The following CELF4 variants were observed in gnomAD, a reference collection of about 807,000 sequenced individuals.
The protein encoded by CELF4 is CUGBP Elav-like family member 4, also known as CUG-BP- and ETR-3-like factor 4.
A neutral mutation model predicts 59.9 loss-of-function variants in CELF4; 18 were observed. That is an observed-to-expected ratio of 0.30 (90% CI 0.21 to 0.45). The LOEUF is 0.45. Among genes scored for constraint, CELF4 ranks in the 20% least tolerant of loss-of-function variants. CELF4 has a pLI of 1.00. For synonymous variants in CELF4, 261 were observed against 267.1 expected (o/e 0.98, Z 0.22); for missense variants, 456 against 689.0 (o/e 0.66, Z 3.79).
chr18:37,443,966 CTG>C lies in CELF4; in HGVS notation c.369+41557_369+41558del, dbSNP rs1348044571. On this transcript the variant is annotated intron_variant, in intron 2 of 12. Transcript: ENST00000420428. The stretch of plus-strand genomic sequence containing the variant: ...AACTGAATATGGGCCTGACGTGTAT[CTG>C]TGAGATTCTCCTCACGCTCTATAAT... 7.9e-5 allele frequency among the ~76,000 whole-genome samples: 12 copies of C among 152,284 alleles called. No homozygotes were observed. In the East Asian group the frequency reaches 1.9e-3, roughly 24 times the overall value.
At chr18:37,498,206 G>A (rs920217302) in intron 1 of CELF4, among the ~76,000 whole-genome samples, 1 of 152,098 alleles carries the variant, frequency 6.6e-6, no homozygotes, top group Admixed American at 6.5e-5. Flanking sequence ...GAGCCTGTAA[G>A]AGCACCATCT....
Position 37,426,050 on chromosome 18 carries a change from C to CAGCCCT in CELF4, c.369+59469_369+59474dup, listed in dbSNP as rs1442952994. Among the ~76,000 whole-genome samples, 155 of 152,336 alleles carry CAGCCCT rather than the reference C, an allele frequency of 1.0e-3. 1 individual carries two copies. The highest frequency in any genetic ancestry group is 2.9e-3 in the African/African-American group (122 of 41,584). ...TCAGACCAGGATATAGCCCCAGCCCCAGCCCTTGCCCTGGAATCAATGTAG... is the reference window on the plus strand; with the variant it reads ...TCAGACCAGGATATAGCCCCAGCCCCAGCCCTAGCCCTTGCCCTGGAATCAATGTAG... On this transcript the variant is annotated intron_variant, in intron 2 of 12. Transcript: ENST00000420428.
At chr18:37,349,485 G>A (rs986749688) in intron 2 of CELF4, among the ~76,000 whole-genome samples, 3 of 152,226 alleles carry the variant, frequency 2.0e-5, no homozygotes, top group Non-Finnish European at 4.4e-5. Context: ...ATTAAAGCAG[G>A]ACAGATTATG....
intron 1 of CELF4, among the ~76,000 whole-genome samples, chr18:37,493,470 GCA>G (rs1339226287): frequency 2.6e-5 from 4 of 152,334 alleles, no homozygotes; most frequent in African/African-American, 9.6e-5. Flanking sequence ...AGCGTAGAAT[GCA>G]GAGATTGCTG....
intron 8 of CELF4, among the ~76,000 whole-genome samples, chr18:37,266,853 G>A (rs2077847426): frequency 6.6e-6 from 1 of 152,128 alleles, no homozygotes; most frequent in South Asian, 2.1e-4. Flanking sequence ...GCCTAGGGCT[G>A]GGGTAAGATG....
intron 2 of CELF4, among the ~76,000 whole-genome samples, chr18:37,353,233 A>AAAAAAAAT (rs71168258): frequency 1.9e-5 from 2 of 106,988 alleles, no homozygotes; most frequent in Non-Finnish European, 3.6e-5. Flanking sequence ...AAAAAAAAAA[A>AAAAAAAAT]ATATATATAT....
chr18:37,406,252 T>C (rs767620136), intron 2 of CELF4, among the ~76,000 whole-genome samples: 4 of 152,046 alleles, frequency 2.6e-5, no homozygotes, highest in Non-Finnish European at 4.4e-5. Flanking sequence ...AGAGATGGGA[T>C]GACACACCCA....
chr18:37,426,963 T>TAA (rs550664681), intron 2 of CELF4, among the ~76,000 whole-genome samples: 186 of 102,478 alleles, frequency 1.8e-3, no homozygotes, highest in African/African-American at 3.6e-3. Flanking sequence ...TTACAAGGAG[T>TAA]AAAAAAAAAA....
Position 37,517,800 on chromosome 18 carries a change from G to A in CELF4, c.287-32193C>T, listed in dbSNP as rs550150316. 8.3e-4 allele frequency among the ~76,000 whole-genome samples: 127 copies of A among 152,266 alleles called. 2 individuals carry two copies. The highest frequency in any genetic ancestry group is 2.6e-3 in the African/African-American group (109 of 41,542). On this transcript the variant is annotated intron_variant, in intron 1 of 12. Coordinates refer to ENST00000420428, the MANE Select transcript of CELF4 (RefSeq NM_020180.4). ...CTCATGGTGACACCTCCCTCTGTGG[G>A]ACCTCCGAGGGTCAAGGAAGGAGGC... is the stretch of plus-strand genomic sequence containing the variant.
intron 2 of CELF4, among the ~76,000 whole-genome samples, chr18:37,460,369 T>C (rs1030313050): frequency 6.6e-6 from 1 of 152,152 alleles, no homozygotes; most frequent in Non-Finnish European, 1.5e-5. Flanking sequence ...GAATTACCCT[T>C]GTTTCTTTTC....
intron 2 of CELF4, among the ~76,000 whole-genome samples, chr18:37,350,565 C>A (rs1458468306): frequency 6.6e-6 from 1 of 152,138 alleles, no homozygotes. Flanking sequence ...TCAAACAGAC[C>A]CCTAACCTCC....
intron 2 of CELF4, among the ~76,000 whole-genome samples, chr18:37,477,022 G>A (rs1224349412): frequency 6.6e-6 from 1 of 152,218 alleles, no homozygotes; most frequent in Non-Finnish European, 1.5e-5. Context: ...TTTCTGGAGG[G>A]GCATAGAGGT....
intron 2 of CELF4, among the ~76,000 whole-genome samples, chr18:37,454,308 G>T (rs2099772164): frequency 6.6e-6 from 1 of 152,158 alleles, no homozygotes; most frequent in Non-Finnish European, 1.5e-5. Context: ...TTCCATGCCA[G>T]GAGGCAGGTG....
At chr18:37,291,897 G>A (rs1271182126) in intron 3 of CELF4, among the ~76,000 whole-genome samples, 1 of 152,064 alleles carries the variant, frequency 6.6e-6, no homozygotes, top group Non-Finnish European at 1.5e-5. Context: ...TCCCTGCTGT[G>A]GTCTGGATGT....
chr18:37,521,580 C>CA (rs1361585998), intron 1 of CELF4, among the ~76,000 whole-genome samples: 2 of 152,204 alleles, frequency 1.3e-5, no homozygotes, highest in African/African-American at 4.8e-5. Flanking sequence ...TGACAACATA[C>CA]ATTTTGACAG....
At chr18:37,452,713 T>C (rs190766751) in intron 2 of CELF4, among the ~76,000 whole-genome samples, 6 of 152,304 alleles carry the variant, frequency 3.9e-5, no homozygotes, top group Admixed American at 3.9e-4. Flanking sequence ...TTTCCATACA[T>C]ATTTGTAAAT....
chr18:37,565,645 GA>G lies in CELF4; in HGVS notation c.-5del. The G allele has an allele frequency of 6.3e-7, 1 of 1,574,968 alleles. No homozygotes were observed. Among genetic ancestry groups the G allele is most frequent in the Non-Finnish European group, 8.6e-7 (1 of 1,159,862 alleles). On this transcript the variant is annotated 5_prime_UTR_variant, in exon 1 of 13. Coordinates refer to ENST00000420428, the MANE Select transcript of CELF4 (RefSeq NM_020180.4). ...ACGTGGCCATCTTTATATACATAGA[GA>G]AAATCTTCTTTCCTTTTATTCTTTC...
intron 12 of CELF4, among the ~76,000 whole-genome samples, chr18:37,252,084 G>T (rs532279459): frequency 6.6e-6 from 1 of 152,166 alleles, no homozygotes; most frequent in Non-Finnish European, 1.5e-5. Context: ...GAGGAAGGGT[G>T]TTCTGCTGGT....
chr18:37,313,595 G>C (rs915321982), intron 3 of CELF4, among the ~76,000 whole-genome samples: 5 of 152,140 alleles, frequency 3.3e-5, no homozygotes, highest in Admixed American at 1.3e-4. Context: ...CCATGCCCCA[G>C]AGCCTGTCCC....
Sources: gnomAD v4.1 joint callset for allele counts (sites outside exome capture counted in the v4.1 genomes callset) on GRCh38, gnomAD v4.1.1 for gene constraint, MANE v1.5 for transcripts, NCBI Gene and HGNC (gene_info 2026-07-23, HGNC 2026-07-21) for gene names.